The following CDH13 variants were observed in gnomAD, a reference collection of about 807,000 sequenced individuals.
The protein encoded by CDH13 is cadherin-13.
In CDH13, 24 loss-of-function variants were observed where a neutral mutation model predicts 63.8. The ratio of observed to expected loss-of-function variants is 0.38; its 90% CI spans 0.27 to 0.53. The LOEUF is 0.53. Among genes scored for constraint, CDH13 ranks in the 20% least tolerant of loss-of-function variants. CDH13 has a pLI of 0.85. For missense variants in CDH13, 1,049 were observed against 903.1 expected (o/e 1.16, Z -2.07); for synonymous variants, 503 against 355.3 (o/e 1.42, Z -4.67).
At chr16:82,872,306 T>A (rs926315026) in intron 2 of CDH13, among the ~76,000 whole-genome samples, 1 of 152,228 alleles carries the variant, frequency 6.6e-6, no homozygotes, top group African/African-American at 2.4e-5. Flanking sequence ...GACTATCAAA[T>A]TCTAAGTGCT....
At chr16:83,699,276 C>T (rs1905857453) in intron 10 of CDH13, among the ~76,000 whole-genome samples, 1 of 152,208 alleles carries the variant, frequency 6.6e-6, no homozygotes, top group Non-Finnish European at 1.5e-5. Context: ...AGTTGTTTTT[C>T]TGTCAACAAA....
intron 1 of CDH13, among the ~76,000 whole-genome samples, chr16:82,678,526 T>G (rs757906877): frequency 6.6e-6 from 1 of 152,174 alleles, no homozygotes; most frequent in Non-Finnish European, 1.5e-5. Flanking sequence ...TACTCAAAAG[T>G]TTTCTTGAAT....
At chr16:83,412,089 A>G (rs1464300315) in intron 6 of CDH13, among the ~76,000 whole-genome samples, 1 of 152,234 alleles carries the variant, frequency 6.6e-6, no homozygotes, top group Non-Finnish European at 1.5e-5. Flanking sequence ...CTGGAACTTC[A>G]TACCATTAAT....
In CDH13 at chr16:83,678,375, G is replaced by A. The variant is rs1370189943; in HGVS notation, c.1452G>A (p.Val484=). The A allele has an allele frequency of 5.0e-6, 8 of 1,613,978 alleles. No individual in the cohort carries two copies. Among genetic ancestry groups the A allele is most frequent in the Middle Eastern group, 1.6e-4 (1 of 6,062 alleles). Residue 484 remains valine (V), a synonymous_variant, in exon 10 of 14, where the codon GTG becomes GTA. Coordinates refer to ENST00000567109, the MANE Select transcript of CDH13 (RefSeq NM_001257.5). The part of the protein sequence containing the change: ...GPVFYPDPMM[V]TRQEDLSVGS... The stretch of plus-strand genomic sequence containing the variant: ...TCTTCTACCCAGACCCCATGATGGT[G>A]ACCAGGCAGGAGGACCTCTCTGTGG...
At position 83,795,291 on chromosome 16, in the gene CDH13, T is replaced by A; in HGVS notation, c.*261T>A. ...GATCATGACATATGACTTGATCTTC[T>A]GGGAGCAGGAACAATGACTACTTTT... On this transcript the variant is annotated 3_prime_UTR_variant, in exon 14 of 14. Coordinates refer to ENST00000567109, the MANE Select transcript of CDH13 (RefSeq NM_001257.5). 2.1e-6 allele frequency: 1 copy of A among 480,826 alleles called. No homozygotes were observed. The highest frequency in any genetic ancestry group is 3.7e-6 in the Non-Finnish European group (1 of 268,494). The allele number at this position is 480,826 out of a possible 1,614,324, so 29.8% of individuals were successfully genotyped here.
At chr16:83,417,687 G>A (rs1005615390) in intron 6 of CDH13, among the ~76,000 whole-genome samples, 1 of 152,172 alleles carries the variant, frequency 6.6e-6, no homozygotes, top group Non-Finnish European at 1.5e-5. Flanking sequence ...CAGTGATTTA[G>A]AACAGAGGCT....
At chr16:83,363,147 A>G (rs538310093) in intron 6 of CDH13, among the ~76,000 whole-genome samples, 59 of 152,344 alleles carry the variant, frequency 3.9e-4, no homozygotes, top group African/African-American at 1.4e-3. Flanking sequence ...TCAGAGATGC[A>G]TTCTGTTTCA....
chr16:83,250,752 T>C (rs567714418), intron 5 of CDH13, among the ~76,000 whole-genome samples: 263 of 152,342 alleles, frequency 1.7e-3, no homozygotes, highest in African/African-American at 6.0e-3. Flanking sequence ...TTGGGATTTA[T>C]TCTAAGTGCA....
chr16:82,886,429 C>T (rs114565847), intron 2 of CDH13, among the ~76,000 whole-genome samples: 1 of 152,146 alleles, frequency 6.6e-6, no homozygotes, highest in African/African-American at 2.4e-5. Flanking sequence ...TTTCGGTAGA[C>T]AAACATGGGA....
At chr16:83,725,602 A>T (rs895117852) in intron 10 of CDH13, 1 of 152,296 alleles carries the variant, frequency 6.6e-6, no homozygotes, top group East Asian at 1.9e-4. Flanking sequence ...AGACAAAGGC[A>T]GTCGTTTCTC....
chr16:83,653,719 T>C (rs975162786), intron 8 of CDH13, among the ~76,000 whole-genome samples: 1 of 152,206 alleles, frequency 6.6e-6, no homozygotes, highest in African/African-American at 2.4e-5. Context: ...TCTCTTACCC[T>C]GCTTTATTTT....
At chr16:83,089,169 C>G (rs932988731) in intron 3 of CDH13, among the ~76,000 whole-genome samples, 3 of 152,168 alleles carry the variant, frequency 2.0e-5, no homozygotes, top group Non-Finnish European at 4.4e-5. Flanking sequence ...GCTATCATCT[C>G]CATTTTACAG....
intron 3 of CDH13, among the ~76,000 whole-genome samples, chr16:83,046,458 A>G (rs1046868232): frequency 6.6e-6 from 1 of 152,258 alleles, no homozygotes; most frequent in Non-Finnish European, 1.5e-5. Flanking sequence ...GAAAAAGAAA[A>G]GAAAAGAAAA....
chr16:83,234,444 G>C (rs2040088350), intron 5 of CDH13, among the ~76,000 whole-genome samples: 1 of 152,168 alleles, frequency 6.6e-6, no homozygotes, highest in Non-Finnish European at 1.5e-5. Context: ...TGATTAGATG[G>C]AGGGTAATTG....
chr16:82,676,785 C>T (rs748872337), intron 1 of CDH13, among the ~76,000 whole-genome samples: 1 of 152,180 alleles, frequency 6.6e-6, no homozygotes, highest in Non-Finnish European at 1.5e-5. Flanking sequence ...TCTACACTTT[C>T]AACTCCAGCC....
At chr16:82,715,424 A>G (rs1420628214) in intron 1 of CDH13, among the ~76,000 whole-genome samples, 1 of 152,132 alleles carries the variant, frequency 6.6e-6, no homozygotes, top group Non-Finnish European at 1.5e-5. Flanking sequence ...TTAACGGGTA[A>G]TGAAGAGTAG....
Position 83,001,710 on chromosome 16 carries a change from A to G in CDH13, c.158-30300A>G, listed in dbSNP as rs369211828. Among the ~76,000 whole-genome samples the G allele has an allele frequency of 6.6e-5, 10 of 152,148 alleles. No homozygotes were observed. The East Asian group carries it at 9.6e-4, about 15-fold the overall frequency. ...TCTGTGTGACCATTTACACCTACGG[A>G]TGATTGGCTGTGACCCAGAGGACAT... On this transcript the variant is annotated intron_variant, in intron 2 of 13. Coordinates refer to ENST00000567109, the MANE Select transcript of CDH13 (RefSeq NM_001257.5).
chr16:83,601,157 C>G (rs1907753495), intron 7 of CDH13, among the ~76,000 whole-genome samples: 1 of 152,132 alleles, frequency 6.6e-6, no homozygotes, highest in South Asian at 2.1e-4. Context: ...GAAAGGCAAT[C>G]CTAACCCAAA....
At chr16:82,879,354 T>C (rs1321377653) in intron 2 of CDH13, among the ~76,000 whole-genome samples, 1 of 151,518 alleles carries the variant, frequency 6.6e-6, no homozygotes, top group African/African-American at 2.4e-5. Flanking sequence ...GTTATTTCTA[T>C]CCATTAATGT....
Sources: allele counts gnomAD v4.1 joint callset (sites outside exome capture counted in the v4.1 genomes callset), GRCh38; gene constraint gnomAD v4.1.1; transcripts MANE v1.5; gene names NCBI Gene and HGNC (gene_info 2026-07-23, HGNC 2026-07-21).